GRXCR1: variants seen among roughly 807,000 people sequenced by gnomAD.
GRXCR1 encodes glutaredoxin domain-containing cysteine-rich protein 1.
A neutral mutation model predicts 27.3 loss-of-function variants in GRXCR1; 27 were observed. That is an observed-to-expected ratio of 0.99 (90% CI 0.73 to 1.37). The LOEUF (loss-of-function observed/expected upper bound fraction) is 1.37, where lower values mean the gene tolerates loss of function less well. Ranked by LOEUF, GRXCR1 falls within the 40% of genes most tolerant of loss-of-function variation. The probability of loss-of-function intolerance (pLI) is 0.00; values close to 1 mark genes in which losing one functional copy is unlikely to be tolerated. For missense variants in GRXCR1, 379 were observed against 354.4 expected, an observed-to-expected ratio of 1.07 and a Z score of -0.56; for synonymous variants, 122 against 131.1, an observed-to-expected ratio of 0.93 and a Z score of 0.47.
chr4:43,017,521 G>T (rs1712965807), intron 2 of GRXCR1, among the ~76,000 whole-genome samples: 1 of 152,082 alleles, frequency 6.6e-6, no homozygotes, highest in Non-Finnish European at 1.5e-5. Context: ...TCGCACCAAT[G>T]CTTAGAAGAG....
At chr4:42,980,695 C>A (rs141043406) in intron 2 of GRXCR1, among the ~76,000 whole-genome samples, 2 of 152,094 alleles carry the variant, frequency 1.3e-5, no homozygotes, top group Non-Finnish European at 2.9e-5. Context: ...TATTGATTTT[C>A]TGTCTGGATA....
At chr4:42,946,140 T>C (rs1173682087) in intron 1 of GRXCR1, among the ~76,000 whole-genome samples, 1 of 152,174 alleles carries the variant, frequency 6.6e-6, no homozygotes, top group Admixed American at 6.5e-5. Flanking sequence ...TTCAGAATGA[T>C]ATATACCCAG....
intron 1 of GRXCR1, among the ~76,000 whole-genome samples, chr4:42,923,183 C>A (rs191090242): frequency 6.6e-6 from 1 of 152,226 alleles, no homozygotes; most frequent in Admixed American, 6.5e-5. Flanking sequence ...TAAGAGATAG[C>A]CCTGCCTTCC....
chr4:42,990,567 T>C (rs1350367628), intron 2 of GRXCR1, among the ~76,000 whole-genome samples: 5 of 152,122 alleles, frequency 3.3e-5, no homozygotes, highest in Non-Finnish European at 7.4e-5. Flanking sequence ...TCCTAATTTT[T>C]ATTATAGTTA....
intron 2 of GRXCR1, among the ~76,000 whole-genome samples, chr4:42,976,475 A>G (rs759742859): frequency 2.4e-4 from 37 of 152,050 alleles, no homozygotes; most frequent in Non-Finnish European, 3.7e-4. Context: ...TATAATGTAC[A>G]CACAGAATAA....
intron 2 of GRXCR1, among the ~76,000 whole-genome samples, chr4:42,993,931 G>A (rs1431153889): frequency 6.6e-6 from 1 of 152,118 alleles, no homozygotes; most frequent in Non-Finnish European, 1.5e-5. Flanking sequence ...ATAAACGAGT[G>A]TAGAAGAAAA....
chr4:42,915,273 G>A (rs138088210), intron 1 of GRXCR1, among the ~76,000 whole-genome samples: 181 of 152,204 alleles, frequency 1.2e-3, no homozygotes, highest in African/African-American at 4.1e-3. Flanking sequence ...GGATGGGAAC[G>A]ATGCAAGGCC....
intron 2 of GRXCR1, among the ~76,000 whole-genome samples, chr4:43,008,335 T>C (rs948403247): frequency 6.6e-6 from 1 of 152,196 alleles, no homozygotes; most frequent in South Asian, 2.1e-4. Flanking sequence ...CCTATGTCTT[T>C]TAACAAACAA....
chr4:42,912,643 A>G (rs1160667920), intron 1 of GRXCR1, among the ~76,000 whole-genome samples: 3 of 152,204 alleles, frequency 2.0e-5, no homozygotes, highest in Non-Finnish European at 1.5e-5. Context: ...ATGTATGTGC[A>G]GAGATTGCAA....
intron 2 of GRXCR1, among the ~76,000 whole-genome samples, chr4:43,004,546 C>A (rs542140715): frequency 1.3e-5 from 2 of 152,184 alleles, no homozygotes; most frequent in Non-Finnish European, 2.9e-5. Flanking sequence ...TGGGGGGTAA[C>A]CCTGCAGAGT....
At chr4:42,936,265 C>T (rs1747455875) in intron 1 of GRXCR1, among the ~76,000 whole-genome samples, 4 of 151,780 alleles carry the variant, frequency 2.6e-5, no homozygotes, top group Admixed American at 2.0e-4. Flanking sequence ...AGACCACATA[C>T]CAAGTTGAAA....
At chr4:42,943,831 A>C (rs566711812) in intron 1 of GRXCR1, among the ~76,000 whole-genome samples, 1 of 152,084 alleles carries the variant, frequency 6.6e-6, no homozygotes, top group South Asian at 2.1e-4. Flanking sequence ...TTTGGTTTTT[A>C]CATCTTGGGG....
chr4:42,966,520 G>C (rs1387196902), intron 2 of GRXCR1, among the ~76,000 whole-genome samples: 5 of 152,094 alleles, frequency 3.3e-5, no homozygotes, highest in Non-Finnish European at 7.4e-5. Context: ...TGCTGCAAGT[G>C]ACACAGCTAG....
At chr4:43,008,174 T>G (rs1433053839) in intron 2 of GRXCR1, among the ~76,000 whole-genome samples, 1 of 152,216 alleles carries the variant, frequency 6.6e-6, no homozygotes, top group Non-Finnish European at 1.5e-5. Flanking sequence ...TTTTTAGTAT[T>G]TAGTATGTTA....
At chr4:42,921,474 G>T (rs997446102) in intron 1 of GRXCR1, among the ~76,000 whole-genome samples, 2 of 151,986 alleles carry the variant, frequency 1.3e-5, no homozygotes, top group African/African-American at 4.8e-5. Context: ...ATATCCAACT[G>T]CAGGAAATAC....
chr4:42,998,459 T>C (rs1224437762), intron 2 of GRXCR1, among the ~76,000 whole-genome samples: 2 of 151,868 alleles, frequency 1.3e-5, no homozygotes, highest in Non-Finnish European at 2.9e-5. Context: ...TAATAGAAAA[T>C]ATGGAAAGGA....
At chr4:42,932,305 GT>G (rs1445517776) in intron 1 of GRXCR1, among the ~76,000 whole-genome samples, 1 of 151,640 alleles carries the variant, frequency 6.6e-6, no homozygotes, top group Non-Finnish European at 1.5e-5. Context: ...GCATCCAGCT[GT>G]TTCTGTTCAG....
At chr4:42,934,766 C>G (rs932823041) in intron 1 of GRXCR1, among the ~76,000 whole-genome samples, 1 of 152,054 alleles carries the variant, frequency 6.6e-6, no homozygotes, top group East Asian at 1.9e-4. Context: ...AGTCTAGTGA[C>G]TCATACAGAT....
At chr4:42,941,889 C>T (rs1747632113) in intron 1 of GRXCR1, among the ~76,000 whole-genome samples, 1 of 151,918 alleles carries the variant, frequency 6.6e-6, no homozygotes, top group African/African-American at 2.4e-5. Flanking sequence ...GTGGCAATAT[C>T]CATTTTCCCT....
Sources: gnomAD v4.1 joint callset for allele counts (sites outside exome capture counted in the v4.1 genomes callset) on GRCh38, gnomAD v4.1.1 for gene constraint, MANE v1.5 for transcripts, NCBI Gene and HGNC (gene_info 2026-07-23, HGNC 2026-07-21) for gene names.